PACRG: variants seen among roughly 807,000 people sequenced by gnomAD.
The protein encoded by PACRG is parkin coregulated gene protein.
Under a neutral mutation model 29.7 loss-of-function variants are expected in PACRG, and 29 were observed. The ratio of observed to expected loss-of-function variants is 0.98; its 90% CI spans 0.73 to 1.33. The LOEUF is 1.33. PACRG is among the 40% of genes most tolerant of loss of function. The probability of loss-of-function intolerance (pLI) is 0.00; values close to 1 mark genes in which losing one functional copy is unlikely to be tolerated. For missense variants in PACRG, 279 were observed against 316.2 expected (o/e 0.88, Z 0.89); for synonymous variants, 116 against 118.7 (o/e 0.98, Z 0.15).
intron 4 of PACRG, among the ~76,000 whole-genome samples, chr6:163,162,093 G>A (rs773154736): frequency 6.6e-6 from 1 of 152,254 alleles, no homozygotes; most frequent in Non-Finnish European, 1.5e-5. Flanking sequence ...TATGGGGCTT[G>A]CTGGAGCCTC....
intron 2 of PACRG, among the ~76,000 whole-genome samples, chr6:162,855,471 A>G (rs911718098): frequency 3.9e-5 from 6 of 152,176 alleles, no homozygotes; most frequent in East Asian, 1.9e-4. Flanking sequence ...AGGAATTATT[A>G]TAGCCATCTG....
chr6:163,242,681 A>G (rs1782547237), intron 4 of PACRG, among the ~76,000 whole-genome samples: 1 of 149,670 alleles, frequency 6.7e-6, no homozygotes, highest in African/African-American at 2.5e-5. Flanking sequence ...GGATTCAGCT[A>G]ATAAAGTAAC....
At chr6:163,235,519 T>C (rs575953183) in intron 4 of PACRG, among the ~76,000 whole-genome samples, 29 of 152,288 alleles carry the variant, frequency 1.9e-4, no homozygotes, top group African/African-American at 6.5e-4. Context: ...TCCAAATTCC[T>C]CAAGGTCCTT....
chr6:163,179,169 C>A lies in PACRG; in HGVS notation c.613+89761C>A, dbSNP rs138686395. 2.5e-3 allele frequency: 1,149 copies of A among 455,960 alleles called. 4 individuals are homozygous for A. Among genetic ancestry groups the A allele is most frequent in the Non-Finnish European group, 3.7e-3 (836 of 226,766 alleles). The allele number at this position is 455,960 out of a possible 1,614,324, so 28.2% of individuals were successfully genotyped here. On this transcript the variant is annotated intron_variant, in intron 4 of 4. Coordinates refer to ENST00000366888, the MANE Select transcript of PACRG (RefSeq NM_001080379.2). ...TATAGTGGAAAGCTTTGTAGCTTGG[C>A]TCACACTGATGTCCGCTGCTCCTCA...
chr6:163,057,598 G>A (rs1005475226), intron 2 of PACRG, among the ~76,000 whole-genome samples: 1 of 152,094 alleles, frequency 6.6e-6, no homozygotes, highest in Admixed American at 6.5e-5. Context: ...ATTTTTTGTA[G>A]AGACAGGGTC....
chr6:163,309,474 T>C (rs951662265), intron 4 of PACRG, among the ~76,000 whole-genome samples: 1 of 151,338 alleles, frequency 6.6e-6, no homozygotes, highest in Non-Finnish European at 1.5e-5. Context: ...GTCTAGCTAT[T>C]GTGTACCTAG....
intron 2 of PACRG, among the ~76,000 whole-genome samples, chr6:162,849,964 C>T (rs1327480898): frequency 1.3e-5 from 2 of 152,296 alleles, no homozygotes; most frequent in East Asian, 3.9e-4. Flanking sequence ...TCTATCTCAA[C>T]TATCCCCAAA....
intron 2 of PACRG, among the ~76,000 whole-genome samples, chr6:162,842,134 C>T (rs1789839748): frequency 6.7e-6 from 1 of 150,216 alleles, no homozygotes; most frequent in Non-Finnish European, 1.5e-5. Flanking sequence ...GAGCTGAGTT[C>T]AATTCCTGGG....
chr6:162,877,228 AT>A (rs1398861728), intron 2 of PACRG, among the ~76,000 whole-genome samples: 1 of 152,248 alleles, frequency 6.6e-6, no homozygotes, highest in Non-Finnish European at 1.5e-5. Context: ...AATGTGGCAC[AT>A]ATACACTGTG....
At chr6:163,294,106 C>G (rs573129999) in intron 4 of PACRG, among the ~76,000 whole-genome samples, 152 of 152,018 alleles carry the variant, frequency 1.0e-3, no homozygotes, top group African/African-American at 3.6e-3. Flanking sequence ...TGAAAATGAT[C>G]TAAAACAAAA....
Position 163,238,642 on chromosome 6 carries a change from GTCTCAGACAAAGAAGGAACACGT to G in PACRG, c.614-76182_614-76160del, listed in dbSNP as rs1445649374. 2.0e-5 allele frequency among the ~76,000 whole-genome samples: 3 copies of G among 152,208 alleles called. No homozygotes were observed. The East Asian group carries it at 5.8e-4, about 29-fold the overall frequency. ...CATTTTAGCCAGTTGACTGCTGGTG[GTCTCAGACAAAGAAGGAACACGT>G]TCAACACCACCATCAAGGACTTTCG... is the stretch of plus-strand genomic sequence containing the variant. On this transcript the variant is annotated intron_variant, in intron 4 of 4. Coordinates refer to ENST00000366888, the MANE Select transcript of PACRG (RefSeq NM_001080379.2).
chr6:162,740,813 A>G (rs1007426404), intron 1 of PACRG, among the ~76,000 whole-genome samples: 2 of 151,994 alleles, frequency 1.3e-5, no homozygotes, highest in Non-Finnish European at 2.9e-5. Context: ...GTTAGCCAGG[A>G]TGGTCTTGAT....
chr6:163,109,285 A>G (rs1312651664), intron 4 of PACRG, among the ~76,000 whole-genome samples: 1 of 152,180 alleles, frequency 6.6e-6, no homozygotes, highest in Non-Finnish European at 1.5e-5. Context: ...GTTCATTTGC[A>G]ACTGTGTACC....
intron 2 of PACRG, among the ~76,000 whole-genome samples, chr6:163,006,125 T>C (rs1003361719): frequency 9.1e-5 from 13 of 143,228 alleles, no homozygotes; most frequent in Non-Finnish European, 1.7e-4. Flanking sequence ...ACAAAACCCA[T>C]ATATATTATA....
chr6:162,981,402 G>A (rs1437958834), intron 2 of PACRG, among the ~76,000 whole-genome samples: 2 of 150,842 alleles, frequency 1.3e-5, no homozygotes, highest in African/African-American at 2.4e-5. Flanking sequence ...ACACACACAC[G>A]CACACACATA....
At chr6:163,147,929 C>T (rs1365411511) in intron 4 of PACRG, among the ~76,000 whole-genome samples, 1 of 152,188 alleles carries the variant, frequency 6.6e-6, no homozygotes, top group Admixed American at 6.5e-5. Flanking sequence ...GTTTCTTCAG[C>T]ATTTTATGCC....
At chr6:162,920,808 C>T (rs1797015601) in intron 2 of PACRG, among the ~76,000 whole-genome samples, 1 of 152,058 alleles carries the variant, frequency 6.6e-6, no homozygotes, top group Non-Finnish European at 1.5e-5. Context: ...GGCAGCTGAA[C>T]AGAAGGTAGA....
chr6:163,006,209 C>T (rs1805096174), intron 2 of PACRG, among the ~76,000 whole-genome samples: 1 of 137,178 alleles, frequency 7.3e-6, no homozygotes, highest in African/African-American at 2.8e-5. Flanking sequence ...ATATATATCC[C>T]ATATATATAT....
intron 4 of PACRG, among the ~76,000 whole-genome samples, chr6:163,122,533 G>T (rs1195099550): frequency 6.6e-6 from 1 of 152,046 alleles, no homozygotes; most frequent in Non-Finnish European, 1.5e-5. Flanking sequence ...GTTTAAAAAA[G>T]CCTGGCACCT....
Sources: allele counts gnomAD v4.1 joint callset (sites outside exome capture counted in the v4.1 genomes callset), GRCh38; gene constraint gnomAD v4.1.1; transcripts MANE v1.5; gene names NCBI Gene and HGNC (gene_info 2026-07-23, HGNC 2026-07-21).